The following STK32B variants were observed in gnomAD, a reference collection of about 807,000 sequenced individuals.
STK32B encodes serine/threonine-protein kinase 32B.
In STK32B, 43 loss-of-function variants were observed where a neutral mutation model predicts 52.6. The ratio of observed to expected loss-of-function variants is 0.82; its 90% confidence interval spans 0.64 to 1.05. STK32B has a LOEUF of 1.05. STK32B is among the 50% of genes least tolerant of loss of function. STK32B has a pLI of 0.00. For synonymous variants in STK32B, 238 were observed against 204.3 expected, an observed-to-expected ratio of 1.17 and a Z score of -1.41; for missense variants, 621 against 534.6, an observed-to-expected ratio of 1.16 and a Z score of -1.59.
chr4:5,239,028 TGAA>T (rs1353965481), intron 3 of STK32B, among the ~76,000 whole-genome samples: 1 of 152,076 alleles, frequency 6.6e-6, no homozygotes, highest in Non-Finnish European at 1.5e-5. Context: ...TTTTGAAGGA[TGAA>T]GGAGTAGGGA....
At chr4:5,259,370 A>T (rs1418487701) in intron 3 of STK32B, among the ~76,000 whole-genome samples, 1 of 152,176 alleles carries the variant, frequency 6.6e-6, no homozygotes, top group African/African-American at 2.4e-5. Context: ...GTGGATATTC[A>T]CAGAATGCAG....
chr4:5,455,591 C>T (rs1298973068), intron 7 of STK32B, among the ~76,000 whole-genome samples: 2 of 152,106 alleles, frequency 1.3e-5, no homozygotes, highest in Admixed American at 6.5e-5. Context: ...AGTGTTTTTT[C>T]ACAGTGTGTA....
At chr4:5,462,837 T>C (rs1717139951) in intron 9 of STK32B, among the ~76,000 whole-genome samples, 1 of 152,184 alleles carries the variant, frequency 6.6e-6, no homozygotes, top group Admixed American at 6.5e-5. Flanking sequence ...AAGCATCCCC[T>C]GAGGATAAAG....
intron 7 of STK32B, among the ~76,000 whole-genome samples, chr4:5,448,823 T>G (rs1221131220): frequency 6.6e-6 from 1 of 152,246 alleles, no homozygotes; most frequent in Non-Finnish European, 1.5e-5. Flanking sequence ...GACTGGCTGC[T>G]TCTTTGACCC....
At chr4:5,473,218 C>T (rs1040497071) in intron 11 of STK32B, among the ~76,000 whole-genome samples, 5 of 152,178 alleles carry the variant, frequency 3.3e-5, no homozygotes, top group African/African-American at 1.2e-4. Context: ...GAGCATCTCC[C>T]TGGGGTCAGG....
intron 3 of STK32B, among the ~76,000 whole-genome samples, chr4:5,323,312 G>T (rs1731647535): frequency 6.6e-6 from 1 of 152,164 alleles, no homozygotes; most frequent in African/African-American, 2.4e-5. Context: ...CCACCAGCCA[G>T]GCCCTGGCTG....
At chr4:5,401,396 T>TGAAATATAAACATAATTAAACAAATGC in intron 5 of STK32B, among the ~76,000 whole-genome samples, 1 of 152,232 alleles carries the variant, frequency 6.6e-6, no homozygotes, top group African/African-American at 2.4e-5. Flanking sequence ...GTGTTTCAAA[T>TGAAATATAAACATAATTAAACAAATGC]GAAATATAAA....
Position 5,090,672 on chromosome 4 carries a change from T to C in STK32B, c.52+38757T>C, listed in dbSNP as rs145203009. On this transcript the variant is annotated intron_variant, in intron 1 of 11. Coordinates refer to ENST00000282908, the MANE Select transcript of STK32B (RefSeq NM_018401.3). The stretch of plus-strand genomic sequence containing the variant: ...GCTACTACTCCTGGCCTTTAATCCA[T>C]CTTGAGTTAATTTTTGTATAAGGTG... Among the ~76,000 whole-genome samples the C allele has an allele frequency of 9.5e-3, 1,448 of 152,290 alleles. 32 individuals are homozygous for C. Among genetic ancestry groups the C allele is most frequent in the African/African-American group, 0.032 (1,346 of 41,558 alleles).
intron 2 of STK32B, among the ~76,000 whole-genome samples, chr4:5,154,181 T>C (rs967579408): frequency 6.6e-6 from 1 of 151,710 alleles, no homozygotes; most frequent in Non-Finnish European, 1.5e-5. Context: ...AATCTATGGC[T>C]GGATGGCCTT....
At chr4:5,142,835 A>G (rs958738837) in intron 2 of STK32B, among the ~76,000 whole-genome samples, 9 of 152,220 alleles carry the variant, frequency 5.9e-5, no homozygotes, top group Admixed American at 2.6e-4. Context: ...TAATGTTTAA[A>G]TCAGTAGACT....
intron 8 of STK32B, chr4:5,458,498 C>T (rs1716759601): frequency 6.6e-6 from 1 of 152,188 alleles, no homozygotes; most frequent in East Asian, 1.9e-4. Context: ...CAACCAATGC[C>T]ACAGAGCTAT....
At chr4:5,468,798 C>T (rs1306205687) in intron 11 of STK32B, among the ~76,000 whole-genome samples, 1 of 152,094 alleles carries the variant, frequency 6.6e-6, no homozygotes, top group Admixed American at 6.5e-5. Context: ...CGCGGTGGCT[C>T]ACACCTGTAA....
At position 5,392,659 on chromosome 4, in the gene STK32B, C is replaced by G. The variant is rs145851346; in HGVS notation, c.435-5548C>G. Among the ~76,000 whole-genome samples, 637 of 152,200 alleles carry G rather than the reference C, an allele frequency of 4.2e-3. 10 individuals carry two copies. The highest frequency in any genetic ancestry group is 0.033 in the Admixed American group (501 of 15,282). ...AAATCACAAGGAGGAACCAGACATACCACTGACCCTCTGTAAATAGTTCTC... is the reference window on the plus strand; with the variant it reads ...AAATCACAAGGAGGAACCAGACATAGCACTGACCCTCTGTAAATAGTTCTC... On this transcript the variant is annotated intron_variant, in intron 4 of 11. Transcript: ENST00000282908.
chr4:5,401,644 G>C (rs1256541511), intron 5 of STK32B, among the ~76,000 whole-genome samples: 1 of 152,180 alleles, frequency 6.6e-6, no homozygotes, highest in Non-Finnish European at 1.5e-5. Context: ...AGTGAAAGAA[G>C]ATACAGCATC....
intron 4 of STK32B, among the ~76,000 whole-genome samples, chr4:5,375,611 TCTC>T (rs1438129086): frequency 6.6e-6 from 1 of 152,214 alleles, no homozygotes; most frequent in Admixed American, 6.5e-5. Context: ...CACAATATCT[TCTC>T]CTACCTCTCT....
rs532965835 is a variant in STK32B at position 5,435,433 on chromosome 4, T to C, written c.563-11240T>C. Among the ~76,000 whole-genome samples the C allele has an allele frequency of 4.6e-5, 7 of 152,276 alleles. No homozygotes were observed. In the East Asian group the frequency reaches 1.4e-3, roughly 30 times the overall value. ...GTCCTCAGTCCCAGCCTTTTCTGTG[T>C]CGTCCCAGAGCAACTCGCTCCTTCC... On this transcript the variant is annotated intron_variant, in intron 6 of 11. Coordinates refer to ENST00000282908, the MANE Select transcript of STK32B (RefSeq NM_018401.3).
chr4:5,489,474 G>C (rs937529713), intron 11 of STK32B, among the ~76,000 whole-genome samples: 3 of 151,792 alleles, frequency 2.0e-5, no homozygotes, highest in African/African-American at 7.3e-5. Flanking sequence ...TTTTAGGCTG[G>C]GTTCATAGCC....
chr4:5,456,364 A>G (rs1716520644), intron 7 of STK32B, among the ~76,000 whole-genome samples: 1 of 152,140 alleles, frequency 6.6e-6, no homozygotes, highest in South Asian at 2.1e-4. Context: ...AGCTCTGTCC[A>G]CCCCATGGGC....
intron 3 of STK32B, among the ~76,000 whole-genome samples, chr4:5,178,059 T>G (rs979111630): frequency 3.3e-5 from 5 of 152,228 alleles, no homozygotes; most frequent in Non-Finnish European, 7.3e-5. Flanking sequence ...GGGGACTCTG[T>G]GTGGGGGCTC....
Sources: allele counts gnomAD v4.1 joint callset (sites outside exome capture counted in the v4.1 genomes callset), GRCh38; gene constraint gnomAD v4.1.1; transcripts MANE v1.5; gene names NCBI Gene and HGNC (gene_info 2026-07-23, HGNC 2026-07-21).